FHIT: variants seen among roughly 807,000 people sequenced by gnomAD.
FHIT encodes bis(5'-adenosyl)-triphosphatase.
Under a neutral mutation model 17.9 loss-of-function variants are expected in FHIT, and 19 were observed. The observed-to-expected ratio is 1.06, with a 90% confidence interval of 0.74 to 1.56. The LOEUF is 1.56. Among genes scored for constraint, FHIT ranks in the 40% most tolerant of loss-of-function variants. The pLI is 0.00. For missense variants in FHIT, 248 were observed against 189.2 expected, an observed-to-expected ratio of 1.31 and a Z score of -1.82; for synonymous variants, 81 against 69.7, an observed-to-expected ratio of 1.16 and a Z score of -0.81.
chr3:61,235,327 A>C (rs1030109314), intron 1 of FHIT, among the ~76,000 whole-genome samples: 1 of 152,146 alleles, frequency 6.6e-6, no homozygotes. Flanking sequence ...GTGTAAAACA[A>C]GGATAATACA....
chr3:60,330,001 T>C (rs1213518132), intron 5 of FHIT, among the ~76,000 whole-genome samples: 1 of 152,214 alleles, frequency 6.6e-6, no homozygotes, highest in Non-Finnish European at 1.5e-5. Context: ...TTGCCCCATA[T>C]GTTCAAATAA....
At chr3:60,348,605 C>T (rs1293511515) in intron 5 of FHIT, among the ~76,000 whole-genome samples, 1 of 152,118 alleles carries the variant, frequency 6.6e-6, no homozygotes, top group Non-Finnish European at 1.5e-5. Context: ...ATACCTGGGA[C>T]TTGGCAATAA....
intron 3 of FHIT, among the ~76,000 whole-genome samples, chr3:60,972,662 C>T (rs1486955445): frequency 6.6e-6 from 1 of 151,942 alleles, no homozygotes; most frequent in African/African-American, 2.4e-5. Context: ...TATGCCCCAT[C>T]TTCCCTGAAA....
At chr3:60,367,513 C>G (rs937486173) in intron 5 of FHIT, among the ~76,000 whole-genome samples, 1 of 152,168 alleles carries the variant, frequency 6.6e-6, no homozygotes, top group East Asian at 1.9e-4. Context: ...AAATCTCAAA[C>G]TAAACCCTCT....
chr3:60,847,765 G>A (rs1228403012), intron 3 of FHIT, among the ~76,000 whole-genome samples: 1 of 152,034 alleles, frequency 6.6e-6, no homozygotes. Flanking sequence ...TAAAACCACA[G>A]GAAGAAGGAA....
At chr3:60,808,053 A>G (rs1701458146) in intron 4 of FHIT, among the ~76,000 whole-genome samples, 1 of 152,166 alleles carries the variant, frequency 6.6e-6, no homozygotes, top group South Asian at 2.1e-4. Flanking sequence ...CTGGTCATCT[A>G]TTGACCTCAG....
chr3:60,664,752 G>C (rs1483469187), intron 4 of FHIT, among the ~76,000 whole-genome samples: 1 of 146,030 alleles, frequency 6.8e-6, no homozygotes, highest in East Asian at 2.0e-4. Context: ...TTCTATGTTC[G>C]TTGAATATAT....
chr3:60,325,797 G>C (rs1709664538), intron 5 of FHIT, among the ~76,000 whole-genome samples: 1 of 152,194 alleles, frequency 6.6e-6, no homozygotes, highest in Non-Finnish European at 1.5e-5. Context: ...TACTGTAGTG[G>C]AGAGGACCAG....
intron 2 of FHIT, among the ~76,000 whole-genome samples, chr3:61,066,711 C>T (rs2034623987): frequency 6.6e-6 from 1 of 152,194 alleles, no homozygotes; most frequent in Admixed American, 6.5e-5. Flanking sequence ...AGCTGTAATG[C>T]ATCTTCTCTT....
chr3:60,929,488 T>C (rs897504984), intron 3 of FHIT, among the ~76,000 whole-genome samples: 3 of 152,182 alleles, frequency 2.0e-5, no homozygotes, highest in Admixed American at 6.5e-5. Context: ...AAAATCTCCT[T>C]AAGCTGATAG....
chr3:61,041,565 T>A (rs949776516), intron 3 of FHIT, among the ~76,000 whole-genome samples: 1 of 152,062 alleles, frequency 6.6e-6, no homozygotes, highest in Non-Finnish European at 1.5e-5. Context: ...TAATTCCTAC[T>A]TTTTCAGAAA....
chr3:59,799,662 G>C (rs1699917168), intron 8 of FHIT, among the ~76,000 whole-genome samples: 1 of 152,140 alleles, frequency 6.6e-6, no homozygotes, highest in African/African-American at 2.4e-5. Context: ...GGGAAGAGAA[G>C]AGACCCTTTC....
At chr3:60,531,827 A>G (rs1213249363) in intron 5 of FHIT, among the ~76,000 whole-genome samples, 3 of 152,184 alleles carry the variant, frequency 2.0e-5, no homozygotes, top group Non-Finnish European at 4.4e-5. Context: ...AAAACGGGGG[A>G]AACTTAACAT....
intron 7 of FHIT, among the ~76,000 whole-genome samples, chr3:59,985,707 G>C (rs964593904): frequency 3.9e-5 from 6 of 152,140 alleles, no homozygotes; most frequent in African/African-American, 1.4e-4. Flanking sequence ...GATGAGTCCT[G>C]TCTGTCTTAA....
chr3:61,212,072 G>T (rs1055028983), intron 1 of FHIT, among the ~76,000 whole-genome samples: 1 of 152,176 alleles, frequency 6.6e-6, no homozygotes, highest in Non-Finnish European at 1.5e-5. Flanking sequence ...CAGAAAAACT[G>T]GAAACTCTAA....
chr3:60,694,658 C>A (rs1328250087), intron 4 of FHIT, among the ~76,000 whole-genome samples: 1 of 152,118 alleles, frequency 6.6e-6, no homozygotes, highest in Non-Finnish European at 1.5e-5. Context: ...AGACCTGGAA[C>A]CAACCCAAAT....
intron 7 of FHIT, among the ~76,000 whole-genome samples, chr3:59,962,288 T>G (rs1161146009): frequency 3.3e-5 from 5 of 152,218 alleles, no homozygotes. Context: ...GAGATGGGGC[T>G]CTTGGAAAAT....
chr3:60,182,066 T>C (rs1006629161), intron 5 of FHIT, among the ~76,000 whole-genome samples: 4 of 152,178 alleles, frequency 2.6e-5, no homozygotes, highest in Non-Finnish European at 4.4e-5. Flanking sequence ...GGCAGAGGGT[T>C]TTCAGAACGA....
At chr3:59,861,267 G>A (rs1702392835) in intron 8 of FHIT, among the ~76,000 whole-genome samples, 1 of 152,156 alleles carries the variant, frequency 6.6e-6, no homozygotes, top group South Asian at 2.1e-4. Flanking sequence ...ATGAGGGTGA[G>A]GAAGATTGAG....
Sources: gnomAD v4.1 joint callset for allele counts (sites outside exome capture counted in the v4.1 genomes callset) on GRCh38, gnomAD v4.1.1 for gene constraint, MANE v1.5 for transcripts, NCBI Gene and HGNC (gene_info 2026-07-23, HGNC 2026-07-21) for gene names.